Variants in PARN observed in about 807,000 individuals in gnomAD.
PARN encodes poly(A)-specific ribonuclease PARN.
Under a neutral mutation model 102.8 loss-of-function variants are expected in PARN, and 71 were observed. The observed-to-expected ratio is 0.69, with a 90% CI of 0.57 to 0.84. PARN has a LOEUF of 0.84. Ranked by LOEUF, PARN falls within the 40% of genes least tolerant of loss-of-function variation. The pLI is 0.00. For missense variants in PARN, 782 were observed against 760.9 expected (o/e 1.03, Z -0.33); for synonymous variants, 261 against 252.9 (o/e 1.03, Z -0.30).
At chr16:14,534,273 A>G (rs1424795707) in intron 21 of PARN, among the ~76,000 whole-genome samples, 13 of 152,098 alleles carry the variant, frequency 8.5e-5, no homozygotes, top group Non-Finnish European at 5.9e-5. Flanking sequence ...GCAGGTTTCA[A>G]ATGAAAGCCA....
At chr16:14,593,250 C>T in intron 13 of PARN, 51 bp downstream of exon 13, 1 of 964,460 alleles carries the variant, frequency 1.0e-6, no homozygotes, top group Non-Finnish European at 1.7e-6. Flanking sequence ...AATATTTTTT[C>T]AGATAAAAAG....
At chr16:14,459,136 T>A (rs1567291664) in intron 22 of PARN, among the ~76,000 whole-genome samples, 1 of 152,164 alleles carries the variant, frequency 6.6e-6, no homozygotes, top group African/African-American at 2.4e-5. Context: ...TCTCACAACT[T>A]CTATTCAACA....
chr16:14,489,319 C>T (rs558563235), intron 21 of PARN, among the ~76,000 whole-genome samples: 1 of 152,028 alleles, frequency 6.6e-6, no homozygotes, highest in South Asian at 2.1e-4. Flanking sequence ...TTCTAGCACG[C>T]CTGTAATCCC....
Position 14,446,904 on chromosome 16 carries a change from C to G in PARN, c.1848G>C (p.Lys616Asn). 4.3e-6 allele frequency: 7 copies of G among 1,612,634 alleles called. No individual in the cohort carries two copies. Among genetic ancestry groups the G allele is most frequent in the Non-Finnish European group, 5.9e-6 (7 of 1,179,262 alleles). Residue 616 changes from lysine (K) to asparagine (N), a missense_variant, in exon 23 of 24, where the codon AAG becomes AAC. By Grantham distance (94) the Lys-to-Asn change is moderately conservative. Transcript: ENST00000437198. ...AATACAAACCTGCTGGAGAAAGCTC[C>G]TTCTTCATTCTTTTTAATTTCTTGG... ...KKAKKLKRMK[K>N]ELSPAGSISK...
chr16:14,627,919 G>GA (rs1354923150), intron 3 of PARN, among the ~76,000 whole-genome samples: 6 of 152,142 alleles, frequency 3.9e-5, no homozygotes, highest in Non-Finnish European at 7.3e-5. Flanking sequence ...TGTGGCAGGA[G>GA]AATCAGTTGA....
At chr16:14,546,380 A>G (rs1169204191) in intron 21 of PARN, among the ~76,000 whole-genome samples, 1 of 152,224 alleles carries the variant, frequency 6.6e-6, no homozygotes, top group African/African-American at 2.4e-5. Flanking sequence ...ATCCTGAAAA[A>G]GCTTCTAAGG....
At chr16:14,617,059 T>A (rs1175852643) in intron 6 of PARN, among the ~76,000 whole-genome samples, 1 of 149,774 alleles carries the variant, frequency 6.7e-6, no homozygotes, top group East Asian at 1.9e-4. Context: ...TGGCTGATTA[T>A]GTTTTTTGTT....
intron 21 of PARN, among the ~76,000 whole-genome samples, chr16:14,531,291 G>A (rs764381445): frequency 6.6e-6 from 1 of 152,048 alleles, no homozygotes; most frequent in East Asian, 1.9e-4. Flanking sequence ...GTTGCAGGGA[G>A]GCAGAGGTTG....
intron 21 of PARN, among the ~76,000 whole-genome samples, chr16:14,537,661 T>G (rs1345423837): frequency 6.6e-6 from 1 of 152,190 alleles, no homozygotes; most frequent in Non-Finnish European, 1.5e-5. Context: ...AGACATTAGC[T>G]TAAGCAAAAT....
intron 18 of PARN, among the ~76,000 whole-genome samples, chr16:14,560,806 T>C (rs898288973): frequency 1.3e-5 from 2 of 152,208 alleles, no homozygotes; most frequent in African/African-American, 4.8e-5. Context: ...CTCATCTCCA[T>C]TACCCATGTG....
chr16:14,469,857 C>T lies in PARN; in HGVS notation c.1670+12781G>A, dbSNP rs148400157. Among the ~76,000 whole-genome samples, 582 of 152,274 alleles carry T rather than the reference C, an allele frequency of 3.8e-3. 3 individuals carry two copies. The highest frequency in any genetic ancestry group is 0.031 in the Middle Eastern group (9 of 292). On this transcript the variant is annotated intron_variant, in intron 22 of 23. Transcript: ENST00000437198. ...TCCTAAATGCACATGATATGGGCAA[C>T]TCAAACAGAAAATCTGTTTTGCATT...
In PARN at chr16:14,447,019, A is replaced by G; in HGVS notation, c.1733T>C (p.Leu578Pro). The change falls in exon 23 of 24, where the codon CTG (leucine) becomes CCG (proline). Residue 578 changes from leucine to proline, a missense_variant. Leu to Pro is a moderately conservative substitution (Grantham distance 98, BLOSUM62 -3). Coordinates refer to ENST00000437198, the MANE Select transcript of PARN (RefSeq NM_002582.4). ...NLSPSQEEAG[L>P]EDGVSGEISD... Reference sequence around the variant, plus strand: ...AATCTCCCCTGACACTCCGTCCTCCAGGCCAGCTTCCTCTTGACTAGGACT... The same window carrying G: ...AATCTCCCCTGACACTCCGTCCTCCGGGCCAGCTTCCTCTTGACTAGGACT... The G allele has an allele frequency of 6.2e-7, 1 of 1,613,908 alleles. No individual in the cohort carries two copies. Among genetic ancestry groups the G allele is most frequent in the Non-Finnish European group, 8.5e-7 (1 of 1,179,792 alleles).
At chr16:14,623,297 C>T (rs956480969) in intron 5 of PARN, among the ~76,000 whole-genome samples, 6 of 151,918 alleles carry the variant, frequency 3.9e-5, no homozygotes, top group Admixed American at 1.3e-4. Context: ...GGGCAGATCA[C>T]GAGGTCAAGA....
chr16:14,555,373 A>G (rs1184655715), intron 19 of PARN, among the ~76,000 whole-genome samples: 1 of 152,238 alleles, frequency 6.6e-6, no homozygotes, highest in African/African-American at 2.4e-5. Flanking sequence ...AAATACTTAT[A>G]GAAAATGATG....
intron 21 of PARN, among the ~76,000 whole-genome samples, chr16:14,545,272 A>C (rs896057283): frequency 4.6e-5 from 7 of 152,254 alleles, no homozygotes; most frequent in Non-Finnish European, 8.8e-5. Flanking sequence ...GTTCAAAAAC[A>C]TAGACCTTAT....
chr16:14,587,558 T>A (rs1969935850), intron 13 of PARN, among the ~76,000 whole-genome samples: 2 of 152,194 alleles, frequency 1.3e-5, no homozygotes, highest in Non-Finnish European at 1.5e-5. Context: ...AGCCTTGAAC[T>A]CCTGCACTCA....
At chr16:14,569,738 T>C (rs546903314) in intron 18 of PARN, among the ~76,000 whole-genome samples, 3 of 152,256 alleles carry the variant, frequency 2.0e-5, no homozygotes, top group East Asian at 1.9e-4. Context: ...GATACATTCA[T>C]AGACAGATTA....
chr16:14,593,103 T>C (rs1349376778), intron 13 of PARN, among the ~76,000 whole-genome samples, 198 bp downstream of exon 13: 1 of 151,734 alleles, frequency 6.6e-6, no homozygotes, highest in East Asian at 1.9e-4. Context: ...ACCACTGCAC[T>C]CCTGGGCAAC....
rs1433689115 is a variant in PARN, at chr16:14,628,227, G to C, written c.122C>G (p.Ser41Cys). 1.2e-6 allele frequency: 2 copies of C among 1,604,412 alleles called. No homozygotes were observed. Among genetic ancestry groups the C allele is most frequent in the Non-Finnish European group, 1.7e-6 (2 of 1,172,078 alleles). The change falls in exon 3 of 24, where the codon TCT (serine) becomes TGT (cysteine). Residue 41 changes from serine (S) to cysteine (C), a missense_variant. Ser to Cys is a moderately radical substitution (Grantham distance 112). Coordinates refer to ENST00000437198, the MANE Select transcript of PARN (RefSeq NM_002582.4). ...FSGISDGPSV[S>C]ALTNGFDTPE... is the part of the protein sequence containing the mutation. Reference sequence around the variant, plus strand: ...AGTGTCAAAACCATTTGTTAATGCAGAGACTGAAGGTCCATCACTGATTCC... The same window carrying C: ...AGTGTCAAAACCATTTGTTAATGCACAGACTGAAGGTCCATCACTGATTCC...
Sources: allele counts gnomAD v4.1 joint callset (sites outside exome capture counted in the v4.1 genomes callset), GRCh38; gene constraint gnomAD v4.1.1; transcripts MANE v1.5; gene names NCBI Gene and HGNC (gene_info 2026-07-23, HGNC 2026-07-21).